The following SLC25A45 variants were observed in gnomAD, a reference collection of about 807,000 sequenced individuals.
SLC25A45 encodes solute carrier family 25 member 45.
A neutral mutation model predicts 23.0 loss-of-function variants in SLC25A45; 22 were observed. The ratio of observed to expected loss-of-function variants is 0.95; its 90% CI spans 0.68 to 1.36. The LOEUF (loss-of-function observed/expected upper bound fraction) is 1.36, where lower values mean the gene tolerates loss of function less well. Ranked by LOEUF, SLC25A45 falls within the 40% of genes most tolerant of loss-of-function variation. The pLI, the probability that SLC25A45 is intolerant of heterozygous loss-of-function variation, is 0.00. For missense variants in SLC25A45, 355 were observed against 383.5 expected, an observed-to-expected ratio of 0.93 and a Z score of 0.62; for synonymous variants, 136 against 155.0, an observed-to-expected ratio of 0.88 and a Z score of 0.91.
chr11:65,380,490 G>T, intron 2 of SLC25A45: 1 of 1,365,576 alleles, frequency 7.3e-7, no homozygotes, highest in Non-Finnish European at 9.8e-7. Context: ...GTATCCCACC[G>T]CCTATGAGCC....
At position 65,376,339 on chromosome 11, in the gene SLC25A45, G is replaced by A; in HGVS notation, c.*68C>T. The A allele has an allele frequency of 6.4e-7, 1 of 1,558,988 alleles. No homozygotes were observed. Among genetic ancestry groups the A allele is most frequent in the Non-Finnish European group, 8.7e-7 (1 of 1,143,234 alleles). ...GCACTGATTTGCAAGCTTTCAACCT[G>A]GCCTCCAATCTCAAACTGGCCTCCA... On this transcript the variant is annotated 3_prime_UTR_variant, in exon 7 of 7. Coordinates refer to ENST00000398802, the MANE Select transcript of SLC25A45 (RefSeq NM_182556.4).
chr11:65,377,246 C>T (rs1177844734), intron 5 of SLC25A45, 170 bp from the exon 6 acceptor site: 7 of 1,430,266 alleles, frequency 4.9e-6, no homozygotes, highest in South Asian at 1.5e-5. Flanking sequence ...GCCAGGATGT[C>T]TGCATGCGAC....
At chr11:65,379,272 G>A (rs972545896) in intron 5 of SLC25A45, 104 bp downstream of exon 5, 139 of 1,339,708 alleles carry the variant, frequency 1.0e-4, no homozygotes, top group Non-Finnish European at 1.3e-4. Flanking sequence ...CCTCCAAGAG[G>A]CCTATGCCTC....
chr11:65,380,647 G>A, intron 2 of SLC25A45: 1 of 1,280,988 alleles, frequency 7.8e-7, no homozygotes, highest in Non-Finnish European at 1.0e-6. Context: ...TGGGGGTCAT[G>A]CCTGGGCACC....
In SLC25A45 at chr11:65,382,185, C is replaced by A; in HGVS notation, c.-18-216G>T. 3.5e-6 allele frequency: 2 copies of A among 571,736 alleles called. No homozygotes were observed. Among genetic ancestry groups the A allele is most frequent in the Non-Finnish European group, 6.3e-6 (2 of 317,394 alleles). 35.4% of individuals were successfully genotyped at this position (571,736 alleles called of 1,614,324 possible). Reference sequence around the variant, plus strand: ...AGTACAGTCTCACGGGCCAGGCGTGCCGGGACCACAGAGGCCCTGATCCCC... The same window carrying A: ...AGTACAGTCTCACGGGCCAGGCGTGACGGGACCACAGAGGCCCTGATCCCC... On this transcript the variant is annotated intron_variant, in intron 1 of 6. Transcript: ENST00000398802. This position sits in a 1 kb window ranked among gnomAD's most constrained non-coding sequence, Gnocchi z 4.4.
intron 5 of SLC25A45, 164 bp from the exon 6 acceptor site, chr11:65,377,240 G>A (rs1855262306): frequency 1.4e-6 from 2 of 1,432,910 alleles, no homozygotes; most frequent in East Asian, 2.5e-5. Flanking sequence ...GGGATGGCCA[G>A]GATGTCTGCA....
chr11:65,379,886 T>C lies in SLC25A45; in HGVS notation c.134A>G (p.Lys45Arg). The C allele has an allele frequency of 6.2e-7, 1 of 1,614,206 alleles. No homozygotes were observed. Among genetic ancestry groups the C allele is most frequent in the Non-Finnish European group, 8.5e-7 (1 of 1,180,026 alleles). ...TYRGIVDCMV[K>R]IYRHESLLGF... is the part of the protein sequence containing the mutation. Reference sequence around the variant, plus strand: ...ACTCACGGACTCATGGCGGTAAATCTTGACCATGCAATCAACGATGCCCCG... The same window carrying C: ...ACTCACGGACTCATGGCGGTAAATCCTGACCATGCAATCAACGATGCCCCG... The change falls in exon 4 of 7, where the codon AAG (lysine) becomes AGG (arginine). Residue 45 changes from lysine (K) to arginine (R), a missense_variant. Transcript: ENST00000398802.
At chr11:65,380,321 TA>T in intron 2 of SLC25A45, 146 bp from the exon 3 acceptor site, 3 of 1,221,434 alleles carry the variant, frequency 2.5e-6, no homozygotes, top group South Asian at 2.7e-5. Flanking sequence ...TGCCAAGCTC[TA>T]GAGACTCCAG....
At position 65,380,539 on chromosome 11, in the gene SLC25A45, C is replaced by T. The variant is rs78812776; in HGVS notation, c.38-364G>A. 6.0e-3 allele frequency: 8,200 copies of T among 1,360,236 alleles called. 463 individuals are homozygous for T. In the African/African-American group the frequency reaches 0.11, roughly 18 times the overall value. 84.3% of individuals were successfully genotyped at this position (1,360,236 alleles called of 1,614,324 possible). On this transcript the variant is annotated intron_variant, in intron 2 of 6. Transcript: ENST00000398802. Reference sequence around the variant, plus strand: ...AGAATCACCCAGGTTCCCACCTCTCCGAGAGCTTTACTCTTCTTTCTTCAA... The same window carrying T: ...AGAATCACCCAGGTTCCCACCTCTCTGAGAGCTTTACTCTTCTTTCTTCAA...
Position 65,376,400 on chromosome 11 carries a change from G to T in SLC25A45, c.*7C>A, listed in dbSNP as rs764963283. On this transcript the variant is annotated 3_prime_UTR_variant, in exon 7 of 7. Transcript: ENST00000398802. The stretch of plus-strand genomic sequence containing the variant: ...CTGATGGGGAGCTGCTGGCATTGCC[G>T]CAGGGCTCATCCCCACCAGCGGAGG... The T allele has an allele frequency of 7.4e-6, 12 of 1,610,824 alleles. No individual in the cohort carries two copies. In the African/African-American group the frequency reaches 1.1e-4, roughly 14 times the overall value.
chr11:65,382,998 T>TC (rs1314113739), upstream of SLC25A45: 2 of 152,292 alleles, frequency 1.3e-5, no homozygotes. This position sits in a 1 kb window ranked among gnomAD's most constrained non-coding sequence, Gnocchi z 4.4. Flanking sequence ...CTCTGGGTGT[T>TC]CTGTGCACAG....
At chr11:65,381,175 G>A (rs2137818786) in intron 2 of SLC25A45, 1 of 153,406 alleles carries the variant, frequency 6.5e-6, no homozygotes, top group South Asian at 2.0e-4. Flanking sequence ...GTGTTGTCCA[G>A]GCTGGAGTGC....
At chr11:65,383,350 G>A (rs1855662880), upstream of SLC25A45, 1 of 152,418 alleles carries the variant, frequency 6.6e-6, no homozygotes, top group Non-Finnish European at 1.5e-5. Context: ...GGGCTCCTTG[G>A]GCCACCCCCA....
intron 2 of SLC25A45, chr11:65,381,599 A>T: frequency 7.5e-6 from 1 of 133,898 alleles, no homozygotes; most frequent in African/African-American, 3.7e-5. Flanking sequence ...GCAGGGTCTC[A>T]TTCTGTCACC....
chr11:65,380,412 G>C, intron 2 of SLC25A45: 1 of 936,738 alleles, frequency 1.1e-6, no homozygotes, highest in South Asian at 1.6e-5. Flanking sequence ...GGCCCCACCT[G>C]AGGATGCACA....
At position 65,376,652 on chromosome 11, in the gene SLC25A45, C is replaced by T. The variant is rs767169527; in HGVS notation, c.622G>A (p.Gly208Arg). The change falls in exon 7 of 7, where the codon GGG becomes AGG. Residue 208 changes from glycine to arginine, a missense_variant. Transcript: ENST00000398802. ...CAGGAAGCAATGCCTGCAAAGCCCC[C>T]TGCCACCAGCACCGTGGCTGAGCCT... ...NPSSATVLVA[G>R]GFAGIASWVA... The T allele has an allele frequency of 1.9e-6, 3 of 1,614,066 alleles. No homozygotes were observed. The South Asian group carries it at 3.3e-5, about 18-fold the overall frequency.
rs888897922 is a variant in SLC25A45 at position 65,377,409 on chromosome 11, C to T, written c.340-333G>A. 1.2e-5 allele frequency: 14 copies of T among 1,175,088 alleles called. No homozygotes were observed. The African/African-American group carries it at 1.3e-4, about 11-fold the overall frequency. The allele number at this position is 1,175,088 out of a possible 1,614,324, so 72.8% of individuals were successfully genotyped here. On this transcript the variant is annotated intron_variant, in intron 5 of 6. Coordinates refer to ENST00000398802, the MANE Select transcript of SLC25A45 (RefSeq NM_182556.4). The stretch of plus-strand genomic sequence containing the variant: ...GGTTGGTTTCTGGCCTCCCTAAAGC[C>T]GGCAGTGAGCATACCTGTACGGTGG...
chr11:65,382,086 C>CA lies in SLC25A45; in HGVS notation c.-18-118_-18-117insT. ...CGGGAAGGTGAGAATTGGCCTGGTG[C>CA]CCAGACCTCCGGCAACTGGCAGAGG... On this transcript the variant is annotated intron_variant, in intron 1 of 6. Coordinates refer to ENST00000398802, the MANE Select transcript of SLC25A45 (RefSeq NM_182556.4). This position sits in a 1 kb window ranked among gnomAD's most constrained non-coding sequence, Gnocchi z 4.4. 1 of 792,968 alleles carries CA rather than the reference C, an allele frequency of 1.3e-6. No homozygotes were observed. Among genetic ancestry groups the CA allele is most frequent in the Non-Finnish European group, 2.2e-6 (1 of 464,164 alleles). The allele number at this position is 792,968 out of a possible 1,614,324, so 49.1% of individuals were successfully genotyped here.
rs1456973947 is a variant in SLC25A45 at position 65,375,410 on chromosome 11, G to T, written c.*997C>A. On this transcript the variant is annotated 3_prime_UTR_variant, in exon 7 of 7. Transcript: ENST00000398802. ...CCCAAAGTCAGCCTCAGGTGGGGAGGTAAGTCAAGGAAGGGTGAGGGGACT... is the reference window on the plus strand; with the variant it reads ...CCCAAAGTCAGCCTCAGGTGGGGAGTTAAGTCAAGGAAGGGTGAGGGGACT... 2 of 152,418 alleles carry T rather than the reference G, an allele frequency of 1.3e-5. No homozygotes were observed. The highest frequency in any genetic ancestry group is 2.4e-5 in the African/African-American group (1 of 41,452). The allele number at this position is 152,418 out of a possible 1,614,324, so 9.4% of individuals were successfully genotyped here.
Sources: gnomAD v4.1 joint callset for allele counts on GRCh38, gnomAD v4.1.1 for gene constraint, Gnocchi (gnomAD v3.1) non-coding constraint, MANE v1.5 for transcripts, NCBI Gene and HGNC (gene_info 2026-07-23, HGNC 2026-07-21) for gene names.